The following LAMA2 variants were observed in gnomAD, a reference collection of about 807,000 sequenced individuals.
LAMA2 encodes laminin subunit alpha-2.
In LAMA2, 269 loss-of-function variants were observed where a neutral mutation model predicts 364.8. The observed-to-expected ratio is 0.74, with a 90% CI of 0.67 to 0.82. The LOEUF (loss-of-function observed/expected upper bound fraction) is 0.82, where lower values mean the gene tolerates loss of function less well. Among genes scored for constraint, LAMA2 ranks in the 40% least tolerant of loss-of-function variants. The pLI is 0.00. For missense variants in LAMA2, 3,807 were observed against 3,873.2 expected, an observed-to-expected ratio of 0.98 and a Z score of 0.45; for synonymous variants, 1,379 against 1,370.6, an observed-to-expected ratio of 1.01 and a Z score of -0.14.
rs148469329 is a variant in LAMA2 at position 128,930,446 on chromosome 6, T to C, written c.112+47089T>C. On this transcript the variant is annotated intron_variant, in intron 1 of 64. Coordinates refer to ENST00000421865, the MANE Select transcript of LAMA2 (RefSeq NM_000426.4). ...AGAACTGACATGCTTTACTCTTAGA[T>C]TGAATACGAGTTTTACAAGCCAGTG... 5.4e-4 allele frequency among the ~76,000 whole-genome samples: 82 copies of C among 152,282 alleles called. No homozygotes were observed. In the East Asian group the frequency reaches 0.012, roughly 23 times the overall value.
chr6:129,367,176 C>G (rs112992265), intron 33 of LAMA2, among the ~76,000 whole-genome samples: 3 of 152,084 alleles, frequency 2.0e-5, no homozygotes, highest in Non-Finnish European at 4.4e-5. Context: ...TGGTAGTTAA[C>G]GAGGTAGGAG....
chr6:129,043,231 T>TA (rs1787225421), intron 1 of LAMA2, among the ~76,000 whole-genome samples: 4 of 152,176 alleles, frequency 2.6e-5, no homozygotes, highest in Non-Finnish European at 5.9e-5. Context: ...ATAGGTCCAG[T>TA]TACTGTGATC....
rs749837829 is a variant in LAMA2 at position 129,443,051 on chromosome 6, A to C, written c.6269-12A>C. The stretch of plus-strand genomic sequence containing the variant: ...TTTTTTTTGTTTTGCTTCCATGTGA[A>C]ATTGCCTGCAGAAATCAGTACGTAT... On this transcript the variant is annotated splice_polypyrimidine_tract_variant and intron_variant, in intron 43 of 64. Coordinates refer to ENST00000421865, the MANE Select transcript of LAMA2 (RefSeq NM_000426.4). 2.5e-5 allele frequency: 39 copies of C among 1,588,636 alleles called. No homozygotes were observed. The highest frequency in any genetic ancestry group is 1.8e-4 in the Middle Eastern group (1 of 5,534).
At chr6:129,207,022 C>A (rs537142114) in intron 12 of LAMA2, among the ~76,000 whole-genome samples, 137 of 152,336 alleles carry the variant, frequency 9.0e-4, no homozygotes, top group Non-Finnish European at 1.1e-3. Context: ...AGCCTGAGTA[C>A]ACACTTCAGC....
intron 1 of LAMA2, among the ~76,000 whole-genome samples, chr6:128,893,441 T>C (rs1776585179): frequency 6.6e-6 from 1 of 151,894 alleles, no homozygotes; most frequent in Non-Finnish European, 1.5e-5. Flanking sequence ...ATGTTGTTAA[T>C]AATGTTATGT....
At chr6:128,970,082 A>T (rs73773598) in intron 1 of LAMA2, among the ~76,000 whole-genome samples, 1 of 152,180 alleles carries the variant, frequency 6.6e-6, no homozygotes, top group African/African-American at 2.4e-5. Flanking sequence ...TATTCTTTAA[A>T]TGTCTTTAAA....
intron 35 of LAMA2, among the ~76,000 whole-genome samples, chr6:129,389,397 T>C (rs1160908466): frequency 1.3e-5 from 2 of 152,182 alleles, no homozygotes; most frequent in Non-Finnish European, 2.9e-5. Context: ...GTTTGGTGCC[T>C]GGTAAGGAGC....
At chr6:129,318,581 G>A (rs1007950965) in intron 27 of LAMA2, among the ~76,000 whole-genome samples, 2 of 152,174 alleles carry the variant, frequency 1.3e-5, no homozygotes, top group African/African-American at 4.8e-5. Context: ...CCAATGCAAA[G>A]TTACCTTCTT....
intron 56 of LAMA2, chr6:129,490,844 C>G (rs958889045): frequency 1.3e-5 from 2 of 152,106 alleles, no homozygotes; most frequent in Non-Finnish European, 2.9e-5. Flanking sequence ...TTTACCGGTC[C>G]CTTCTTCACC....
At chr6:129,509,359 T>G (rs1277191250) in intron 62 of LAMA2, among the ~76,000 whole-genome samples, 1 of 152,200 alleles carries the variant, frequency 6.6e-6, no homozygotes, top group Non-Finnish European at 1.5e-5. Flanking sequence ...TTTAACTTGA[T>G]GTGATCCCAT....
intron 4 of LAMA2, among the ~76,000 whole-genome samples, chr6:129,136,170 T>A (rs555119111): frequency 5.7e-4 from 87 of 152,262 alleles, no homozygotes; most frequent in Non-Finnish European, 1.1e-3. Context: ...TTTCACTCAA[T>A]TCTGTGGATT....
intron 34 of LAMA2, among the ~76,000 whole-genome samples, chr6:129,377,351 G>C (rs1391169360): frequency 6.6e-6 from 1 of 151,844 alleles, no homozygotes; most frequent in African/African-American, 2.4e-5. Flanking sequence ...GATTTCAACT[G>C]CTAACAGTGT....
Position 129,313,415 on chromosome 6 carries a change from G to T in LAMA2, c.3411+318G>T, listed in dbSNP as rs138265150. Among the ~76,000 whole-genome samples the T allele has an allele frequency of 5.1e-3, 782 of 152,208 alleles. 6 individuals carry two copies. Among genetic ancestry groups the T allele is most frequent in the African/African-American group, 0.018 (745 of 41,502 alleles). ...CGATAAGGACAATCTGGGAGGGGTG[G>T]CAGGGAAGACAGTTCTTTTAAGCAT... On this transcript the variant is annotated intron_variant, in intron 23 of 64. Transcript: ENST00000421865.
chr6:129,475,299 G>A, intron 52 of LAMA2, 91 bp from the exon 53 acceptor site: 1 of 793,198 alleles, frequency 1.3e-6, no homozygotes, highest in South Asian at 1.8e-5. Context: ...AAAGATTTAT[G>A]ATTAAAGTTT....
intron 3 of LAMA2, among the ~76,000 whole-genome samples, chr6:129,064,766 G>A (rs954412639): frequency 2.0e-5 from 3 of 152,074 alleles, no homozygotes; most frequent in African/African-American, 7.2e-5. Context: ...GATTGAATCA[G>A]GAATAAGAAA....
chr6:128,988,918 C>T (rs550293400), intron 1 of LAMA2, among the ~76,000 whole-genome samples: 1 of 152,006 alleles, frequency 6.6e-6, no homozygotes, highest in Non-Finnish European at 1.5e-5. Context: ...AGGACAGAAT[C>T]GCTATTTTAT....
At chr6:129,047,914 A>G (rs889687748) in intron 1 of LAMA2, among the ~76,000 whole-genome samples, 5 of 152,182 alleles carry the variant, frequency 3.3e-5, no homozygotes, top group African/African-American at 7.2e-5. Context: ...TGCTGGTTTC[A>G]TAAAACATTG....
At chr6:129,413,355 T>C (rs1780630756) in intron 40 of LAMA2, among the ~76,000 whole-genome samples, 1 of 152,134 alleles carries the variant, frequency 6.6e-6, no homozygotes, top group Admixed American at 6.5e-5. Flanking sequence ...GGAATGATTT[T>C]ACCATATCTC....
chr6:129,206,110 A>AAGGAAGGAAGGAAGGAAGGGAGGGAGGG (rs1562331075), intron 12 of LAMA2, among the ~76,000 whole-genome samples: 4 of 29,424 alleles, frequency 1.4e-4, no homozygotes, highest in Admixed American at 2.8e-4. Context: ...GGGAGGGAGG[A>AAGGAAGGAAGGAAGGAAGGGAGGGAGGG]AGGAAGGAAG....
Sources: allele counts gnomAD v4.1 joint callset (sites outside exome capture counted in the v4.1 genomes callset), GRCh38; gene constraint gnomAD v4.1.1; transcripts MANE v1.5; gene names NCBI Gene and HGNC (gene_info 2026-07-23, HGNC 2026-07-21).